Variants in PRKN observed in about 807,000 individuals in gnomAD.
The protein encoded by PRKN is E3 ubiquitin-protein ligase parkin.
In PRKN, 56 loss-of-function variants were observed where a neutral mutation model predicts 59.5. The ratio of observed to expected loss-of-function variants is 0.94; its 90% confidence interval spans 0.76 to 1.18. The LOEUF (loss-of-function observed/expected upper bound fraction) is 1.18, where lower values mean the gene tolerates loss of function less well. Ranked by LOEUF, PRKN falls within the 50% of genes most tolerant of loss-of-function variation. The pLI is 0.00. For synonymous variants in PRKN, 250 were observed against 222.1 expected, an observed-to-expected ratio of 1.13 and a Z score of -1.12; for missense variants, 657 against 596.4, an observed-to-expected ratio of 1.10 and a Z score of -1.06.
chr6:161,453,457 G>T (rs1789832692), intron 9 of PRKN, among the ~76,000 whole-genome samples: 2 of 152,154 alleles, frequency 1.3e-5, no homozygotes, highest in African/African-American at 4.8e-5. Flanking sequence ...TGTGGTGAAG[G>T]TATGTTGTAG....
At position 161,497,577 on chromosome 6, in the gene PRKN, TCA is replaced by T. The variant is rs71278571; in HGVS notation, c.1083+51275_1083+51276del. 1.7e-4 allele frequency among the ~76,000 whole-genome samples: 25 copies of T among 147,460 alleles called. No homozygotes were observed. The highest frequency in any genetic ancestry group is 1.4e-3 in the East Asian group (7 of 5,064). On this transcript the variant is annotated intron_variant, in intron 9 of 11. Coordinates refer to ENST00000366898, the MANE Select transcript of PRKN (RefSeq NM_004562.3). This position sits in a 1 kb window ranked among gnomAD's most constrained non-coding sequence, Gnocchi z 4.6. ...ATGTCTCTCTCTCTCTCTCTCTCTC[TCA>T]CACACACACACACACACACCATATC...
At chr6:162,617,840 A>G (rs1474921288) in intron 1 of PRKN, among the ~76,000 whole-genome samples, 2 of 152,174 alleles carry the variant, frequency 1.3e-5, no homozygotes, top group South Asian at 2.1e-4. Context: ...GAGTACTAAT[A>G]CTACTTAAAG....
chr6:161,437,066 A>G (rs1789583976), intron 9 of PRKN, among the ~76,000 whole-genome samples: 1 of 152,100 alleles, frequency 6.6e-6, no homozygotes, highest in Non-Finnish European at 1.5e-5. Context: ...CCGACCCTAT[A>G]TATGCTGTTT....
rs1221793052 is a variant in PRKN, at chr6:161,874,239, TA to T, written c.735-88332del. ...TATAATATATATTATATATAATATA[TA>T]ATATATAATATATATTATATGTAAA... On this transcript the variant is annotated intron_variant, in intron 6 of 11. Coordinates refer to ENST00000366898, the MANE Select transcript of PRKN (RefSeq NM_004562.3). 3.6e-4 allele frequency among the ~76,000 whole-genome samples: 8 copies of T among 22,134 alleles called. 1 individual carries two copies. The highest frequency in any genetic ancestry group is 9.8e-4 in the African/African-American group (7 of 7,160). 14.5% of individuals were successfully genotyped at this position (22,134 alleles called of 152,430 possible). A position where few individuals can be genotyped will look rare whatever the true frequency, so the allele number is the denominator to read the frequency against.
At chr6:162,648,359 G>A (rs1042984314) in intron 1 of PRKN, among the ~76,000 whole-genome samples, 1 of 150,610 alleles carries the variant, frequency 6.6e-6, no homozygotes. Context: ...ACTCCTCTGA[G>A]GTAATTAAAT....
chr6:161,947,115 T>C (rs572082473), intron 6 of PRKN, among the ~76,000 whole-genome samples: 1 of 152,212 alleles, frequency 6.6e-6, no homozygotes, highest in African/African-American at 2.4e-5. Context: ...GATGTATGTA[T>C]AAATGTTTAT....
At chr6:161,839,611 G>A (rs375515286) in intron 6 of PRKN, among the ~76,000 whole-genome samples, 23 of 152,232 alleles carry the variant, frequency 1.5e-4, no homozygotes, top group South Asian at 4.1e-4. Context: ...CAGATCCCTC[G>A]TCTGCAAAGC....
chr6:161,866,990 T>C (rs1317337899), intron 6 of PRKN, among the ~76,000 whole-genome samples: 1 of 152,188 alleles, frequency 6.6e-6, no homozygotes, highest in Non-Finnish European at 1.5e-5. Context: ...CTGAGTTCTC[T>C]ATTAGCTGGT....
chr6:161,770,150 C>T (rs1313065982), intron 7 of PRKN, among the ~76,000 whole-genome samples: 2 of 152,102 alleles, frequency 1.3e-5, no homozygotes, highest in Non-Finnish European at 2.9e-5. Context: ...CTGCATTCCC[C>T]AGGGACACTG....
rs1187041797 is a variant in PRKN at position 161,379,669 on chromosome 6, C to A, written c.1167+7125G>T. ...GCCCACATCGAAAACCTGGTCTATGCATAGGGATGTAAGGCCTGACCACTC... is the reference window on the plus strand; with the variant it reads ...GCCCACATCGAAAACCTGGTCTATGAATAGGGATGTAAGGCCTGACCACTC... On this transcript the variant is annotated intron_variant, in intron 10 of 11. Coordinates refer to ENST00000366898, the MANE Select transcript of PRKN (RefSeq NM_004562.3). This position sits in a 1 kb window ranked among gnomAD's most constrained non-coding sequence, Gnocchi z 4.9. 6.6e-6 allele frequency among the ~76,000 whole-genome samples: 1 copy of A among 152,198 alleles called. No individual in the cohort carries two copies. The highest frequency in any genetic ancestry group is 1.9e-4 in the East Asian group (1 of 5,184).
chr6:161,924,319 G>A (rs1374567873), intron 6 of PRKN, among the ~76,000 whole-genome samples: 1 of 151,990 alleles, frequency 6.6e-6, no homozygotes, highest in Non-Finnish European at 1.5e-5. Flanking sequence ...GAATCCAATG[G>A]CCCAGACTGT....
intron 7 of PRKN, among the ~76,000 whole-genome samples, chr6:161,623,010 T>G (rs1782962121): frequency 6.6e-6 from 1 of 152,260 alleles, no homozygotes; most frequent in African/African-American, 2.4e-5. Flanking sequence ...CCGCTTTTTC[T>G]TAGGCTGTCT....
At chr6:162,625,693 T>C (rs1229920829) in intron 1 of PRKN, among the ~76,000 whole-genome samples, 1 of 151,862 alleles carries the variant, frequency 6.6e-6, no homozygotes, top group African/African-American at 2.4e-5. Flanking sequence ...GTATCATGTA[T>C]ATATATGTGT....
In PRKN at chr6:162,628,579, T is replaced by C. The variant is rs183760575; in HGVS notation, c.7+99083A>G. 3.3e-5 allele frequency among the ~76,000 whole-genome samples: 5 copies of C among 152,226 alleles called. No individual in the cohort carries two copies. In the East Asian group the frequency reaches 9.7e-4, roughly 29 times the overall value. On this transcript the variant is annotated intron_variant, in intron 1 of 11. Transcript: ENST00000366898. ...TGTGAAATAGGAGACAAATCATATG[T>C]TCCAACAGCATTAGGAATCAAGTAG...
intron 3 of PRKN, among the ~76,000 whole-genome samples, chr6:162,236,824 C>CAG (rs955971705): frequency 4.6e-5 from 6 of 131,744 alleles, no homozygotes; most frequent in Admixed American, 3.4e-4. Flanking sequence ...GAGAGAGGGA[C>CAG]AGAGAGAGAG....
At chr6:162,064,061 T>A (rs532761822) in intron 4 of PRKN, among the ~76,000 whole-genome samples, 1 of 152,282 alleles carries the variant, frequency 6.6e-6, no homozygotes, top group East Asian at 1.9e-4. Flanking sequence ...GGGTCTCACA[T>A]AGTGGCAGAC....
intron 4 of PRKN, among the ~76,000 whole-genome samples, chr6:162,133,843 C>T (rs190994374): frequency 3.3e-5 from 5 of 151,798 alleles, no homozygotes; most frequent in African/African-American, 7.2e-5. Context: ...TTCTTGGAGT[C>T]GTTTTGAAGA....
rs112730074 is a variant in PRKN at position 162,374,889 on chromosome 6, G to A, written c.171+68421C>T. On this transcript the variant is annotated intron_variant, in intron 2 of 11. Transcript: ENST00000366898. Reference sequence around the variant, plus strand: ...TAAAATTGAAGAGTTTTAAACGTGAGTTAGATAAATAGTATTTGTTTTAGC... The same window carrying A: ...TAAAATTGAAGAGTTTTAAACGTGAATTAGATAAATAGTATTTGTTTTAGC... 8.2e-3 allele frequency among the ~76,000 whole-genome samples: 1,248 copies of A among 152,222 alleles called. 18 individuals are homozygous for A. Among genetic ancestry groups the A allele is most frequent in the African/African-American group, 0.028 (1,168 of 41,550 alleles).
At chr6:162,479,673 A>G (rs545126717) in intron 1 of PRKN, among the ~76,000 whole-genome samples, 29 of 152,096 alleles carry the variant, frequency 1.9e-4, no homozygotes, top group African/African-American at 6.5e-4. Flanking sequence ...AATAACAAAC[A>G]TAGAGCTGTC....
Sources: allele counts gnomAD v4.1 joint callset (sites outside exome capture counted in the v4.1 genomes callset), GRCh38; gene constraint gnomAD v4.1.1; non-coding constraint Gnocchi (gnomAD v3.1); transcripts MANE v1.5; gene names NCBI Gene and HGNC (gene_info 2026-07-23, HGNC 2026-07-21).